Variants in PPM1D observed in about 807,000 individuals in gnomAD.
PPM1D encodes the protein protein phosphatase 1D.
Under a neutral mutation model 58.3 loss-of-function variants are expected in PPM1D, and 52 were observed. That is an observed-to-expected ratio of 0.89 (90% CI 0.71 to 1.12). PPM1D has a LOEUF of 1.12. Among genes scored for constraint, PPM1D ranks in the 50% most tolerant of loss-of-function variants. The pLI is 0.00. For synonymous variants in PPM1D, 278 were observed against 285.1 expected, an observed-to-expected ratio of 0.98 and a Z score of 0.25; for missense variants, 564 against 777.2, an observed-to-expected ratio of 0.73 and a Z score of 3.26.
rs747990992 is a variant in PPM1D at position 60,663,164 on chromosome 17, AT to A, written c.1432del (p.Cys478AlafsTer5). ...PSKDPEPLEE[N>X]CAKALTLRIH... ...AAAGATCCAGAACCACTTGAAGAAA[AT>A]TGCGCTAAAGCCCTGACTTTAAGGA... On this transcript the variant is annotated frameshift_variant, in exon 6 of 6. Transcript: ENST00000305921. LOFTEE classifies it high-confidence loss of function. The A allele has an allele frequency of 2.5e-6, 4 of 1,614,218 alleles. No individual in the cohort carries two copies. The highest frequency in any genetic ancestry group is 3.4e-6 in the Non-Finnish European group (4 of 1,180,028).
intron 3 of PPM1D, 94 bp downstream of exon 3, chr17:60,634,071 C>T (rs750928699): frequency 2.2e-5 from 30 of 1,380,698 alleles, no homozygotes; most frequent in Non-Finnish European, 2.8e-5. Context: ...CCTTACTTGG[C>T]ATATAGTGAG....
chr17:60,613,599 T>TG (rs1399030439), intron 1 of PPM1D, among the ~76,000 whole-genome samples: 6 of 152,272 alleles, frequency 3.9e-5, no homozygotes, highest in African/African-American at 1.4e-4. Flanking sequence ...CCTCAGCTTG[T>TG]GGGGAGGTGT....
At chr17:60,657,691 T>G (rs1344281566) in intron 5 of PPM1D, among the ~76,000 whole-genome samples, 1 of 152,194 alleles carries the variant, frequency 6.6e-6, no homozygotes, top group Non-Finnish European at 1.5e-5. Context: ...TACATACATA[T>G]GGCAAAAACC....
intron 5 of PPM1D, among the ~76,000 whole-genome samples, chr17:60,658,337 A>C (rs1205059728): frequency 6.6e-6 from 1 of 152,156 alleles, no homozygotes; most frequent in Non-Finnish European, 1.5e-5. Context: ...TAGTAAACCC[A>C]TACATAAAAT....
chr17:60,640,549 A>C (rs1194704315), intron 3 of PPM1D, among the ~76,000 whole-genome samples: 2 of 151,914 alleles, frequency 1.3e-5, no homozygotes, highest in African/African-American at 2.4e-5. Flanking sequence ...TTGTAATTTC[A>C]GCTTTTAGAT....
At chr17:60,662,933 C>G (rs376605263) in intron 5 of PPM1D, 62 bp from the exon 6 acceptor site, 5 of 1,449,178 alleles carry the variant, frequency 3.5e-6, no homozygotes, top group East Asian at 2.3e-5. Flanking sequence ...ATATCACATG[C>G]ATAGATTTGT....
At chr17:60,606,735 A>G (rs2030337652) in intron 1 of PPM1D, among the ~76,000 whole-genome samples, 1 of 152,110 alleles carries the variant, frequency 6.6e-6, no homozygotes, top group Non-Finnish European at 1.5e-5. Flanking sequence ...TAAATGGCTT[A>G]TTTTTGTCTT....
chr17:60,650,892 G>A (rs2031330828), intron 4 of PPM1D, among the ~76,000 whole-genome samples: 1 of 152,012 alleles, frequency 6.6e-6, no homozygotes, highest in African/African-American at 2.4e-5. Flanking sequence ...AGGCTGTAGG[G>A]CTCTATGATT....
chr17:60,663,156 TGAA>T lies in PPM1D; in HGVS notation c.1426_1428del (p.Glu476del). The T allele has an allele frequency of 6.2e-7, 1 of 1,614,130 alleles. No homozygotes were observed. On this transcript the variant is annotated inframe_deletion, in exon 6 of 6. Coordinates refer to ENST00000305921, the MANE Select transcript of PPM1D (RefSeq NM_003620.4). ...TACCCTCAAAAGATCCAGAACCACT[TGAA>T]GAAAATTGCGCTAAAGCCCTGACTT...
chr17:60,654,989 C>T (rs915478279), intron 4 of PPM1D, among the ~76,000 whole-genome samples: 2 of 152,238 alleles, frequency 1.3e-5, no homozygotes, highest in Middle Eastern at 6.8e-3. Context: ...TCATATATGA[C>T]ACTGGAAGTT....
chr17:60,644,823 C>T (rs887358288), intron 3 of PPM1D, among the ~76,000 whole-genome samples: 2 of 151,998 alleles, frequency 1.3e-5, no homozygotes, highest in African/African-American at 4.8e-5. Flanking sequence ...ATGAACAATT[C>T]GTAATAAAAT....
chr17:60,610,122 G>A (rs1027000294), intron 1 of PPM1D, among the ~76,000 whole-genome samples: 1 of 150,766 alleles, frequency 6.6e-6, no homozygotes, highest in African/African-American at 2.5e-5. Flanking sequence ...GGAGATTGCA[G>A]TGAGCCGAGA....
rs374505300 is a variant in PPM1D at position 60,619,983 on chromosome 17, GTTTGTTTTGTTTTGTTTTGT to G, written c.473-3523_473-3504del. 3.3e-5 allele frequency among the ~76,000 whole-genome samples: 5 copies of G among 149,414 alleles called. No homozygotes were observed. In the South Asian group the frequency reaches 1.0e-3, roughly 31 times the overall value. On this transcript the variant is annotated intron_variant, in intron 1 of 5. Transcript: ENST00000305921. Reference sequence around the variant, plus strand: ...ATTTGCCCAGTTTTTTTTTGTTTTTGTTTGTTTTGTTTTGTTTTGTTTTGTTTTGTTTTGAGACAGAGTCT... The same window carrying G: ...ATTTGCCCAGTTTTTTTTTGTTTTTGTTTGTTTTGTTTTGAGACAGAGTCT...
chr17:60,662,844 A>T (rs1319720546), intron 5 of PPM1D, 151 bp from the exon 6 acceptor site: 1 of 666,042 alleles, frequency 1.5e-6, no homozygotes, highest in African/African-American at 1.8e-5. Context: ...CTTAACACAT[A>T]GTTCAGTAAA....
intron 4 of PPM1D, among the ~76,000 whole-genome samples, chr17:60,650,563 C>T (rs562752940): frequency 6.6e-6 from 1 of 151,762 alleles, no homozygotes; most frequent in African/African-American, 2.4e-5. Context: ...ACAACAACAA[C>T]AACAACAACA....
At chr17:60,616,405 C>T (rs946477497) in intron 1 of PPM1D, among the ~76,000 whole-genome samples, 3 of 152,006 alleles carry the variant, frequency 2.0e-5, no homozygotes, top group Non-Finnish European at 2.9e-5. Context: ...GTCAAGAGTT[C>T]GAGACCAGCC....
intron 1 of PPM1D, among the ~76,000 whole-genome samples, chr17:60,622,112 C>G (rs1167841614): frequency 5.3e-5 from 8 of 151,156 alleles, no homozygotes; most frequent in African/African-American, 1.5e-4. Context: ...ATGGCGTGAA[C>G]CTGGGAGGCG....
intron 2 of PPM1D, among the ~76,000 whole-genome samples, chr17:60,630,163 C>G (rs2143667040): frequency 6.6e-6 from 1 of 151,874 alleles, no homozygotes; most frequent in South Asian, 2.1e-4. Context: ...CATAGCGGGA[C>G]CTCCATCTCT....
chr17:60,663,709 C>T lies in PPM1D; in HGVS notation c.*157C>T. The T allele has an allele frequency of 2.7e-6, 2 of 747,084 alleles. No homozygotes were observed. The highest frequency in any genetic ancestry group is 2.0e-5 in the South Asian group (1 of 50,838). 46.3% of individuals were successfully genotyped at this position (747,084 alleles called of 1,614,324 possible). A position where few individuals can be genotyped will look rare whatever the true frequency, so the allele number is the denominator to read the frequency against. ...CAGTTTTATCCTGGCCTTGTACTTG[C>T]TTGTATTGTAAATGTGGATTTTGTA... On this transcript the variant is annotated 3_prime_UTR_variant, in exon 6 of 6. Transcript: ENST00000305921.
Sources: allele counts gnomAD v4.1 joint callset (sites outside exome capture counted in the v4.1 genomes callset), GRCh38; gene constraint gnomAD v4.1.1; transcripts MANE v1.5; gene names NCBI Gene and HGNC (gene_info 2026-07-23, HGNC 2026-07-21).